Variants in RGS3 observed in about 807,000 individuals in gnomAD.
RGS3 encodes regulator of G protein signaling 3, also known as regulator of G-protein signalling 3.
Under a neutral mutation model 132.6 loss-of-function variants are expected in RGS3, and 80 were observed. That is an observed-to-expected ratio of 0.60 (90% CI 0.50 to 0.73). The LOEUF (loss-of-function observed/expected upper bound fraction) is 0.73, where lower values mean the gene tolerates loss of function less well. Ranked by LOEUF, RGS3 falls within the 30% of genes least tolerant of loss-of-function variation. RGS3 has a pLI of 0.00. For synonymous variants in RGS3, 598 were observed against 620.6 expected (o/e 0.96, Z 0.54); for missense variants, 1,382 against 1,530.8 (o/e 0.90, Z 1.62).
rs888974761 is a variant in RGS3, at chr9:113,506,910, C to T, written c.1086-377C>T. Among the ~76,000 whole-genome samples, 4 of 152,312 alleles carry T rather than the reference C, an allele frequency of 2.6e-5. No individual in the cohort carries two copies. The highest frequency in any genetic ancestry group is 4.1e-4 in the South Asian group (2 of 4,824). The stretch of plus-strand genomic sequence containing the variant: ...ATTTTGATCCTCTAGGGTAAAACCC[C>T]GATGGCCCCATTTTAGGTCTGCTTC... On this transcript the variant is annotated intron_variant, in intron 12 of 24. Coordinates refer to ENST00000350696, the Ensembl canonical transcript of RGS3. The surrounding 1 kb of genome is among the most constrained non-coding windows in gnomAD (Gnocchi z 4.7).
chr9:113,584,185 G>A (rs943548258), exon 20 of RGS3: 4 of 1,614,208 alleles, frequency 2.5e-6, no homozygotes, highest in Non-Finnish European at 2.5e-6. Context: ...GGGCCAGGGG[G>A]CTGAGGGTGG....
intron 3 of RGS3, among the ~76,000 whole-genome samples, chr9:113,477,607 G>C (rs577873715): frequency 6.6e-6 from 1 of 152,342 alleles, no homozygotes; most frequent in East Asian, 1.9e-4. Context: ...ATGTCTCACT[G>C]TGCTGTGAGG....
chr9:113,506,386 A>C lies in RGS3; in HGVS notation c.980-2A>C. The C allele has an allele frequency of 6.3e-7, 1 of 1,580,130 alleles. No individual in the cohort carries two copies. Among genetic ancestry groups the C allele is most frequent in the Non-Finnish European group, 8.6e-7 (1 of 1,163,372 alleles). Reference sequence around the variant, plus strand: ...CTGAATGGCTTTTCTTTGTCCCTGCAGGGGGTCCGGCGGAACGGGCAGGGC... The same window carrying C: ...CTGAATGGCTTTTCTTTGTCCCTGCCGGGGGTCCGGCGGAACGGGCAGGGC... On this transcript the variant is annotated splice_acceptor_variant, in intron 11 of 24. Transcript: ENST00000350696. LOFTEE classifies it high-confidence loss of function. This position sits in a 1 kb window ranked among gnomAD's most constrained non-coding sequence, Gnocchi z 4.7.
In RGS3 at chr9:113,507,163, G is replaced by C; in HGVS notation, c.1086-124G>C. On this transcript the variant is annotated intron_variant, in intron 12 of 24. Coordinates refer to ENST00000350696, the Ensembl canonical transcript of RGS3. This position sits in a 1 kb window ranked among gnomAD's most constrained non-coding sequence, Gnocchi z 5.0. The stretch of plus-strand genomic sequence containing the variant: ...TGCATCCCTTCCTGCCCTGACACTG[G>C]GGGCTTCCCCTCTGGTGTCTGCCTC... 1.3e-6 allele frequency: 1 copy of C among 744,988 alleles called. No homozygotes were observed. The highest frequency in any genetic ancestry group is 2.2e-6 in the Non-Finnish European group (1 of 460,642). 46.1% of individuals were successfully genotyped at this position (744,988 alleles called of 1,614,324 possible).
chr9:113,495,619 C>T (rs1830655552), intron 7 of RGS3, among the ~76,000 whole-genome samples, 167 bp from the exon 6 acceptor site: 1 of 152,218 alleles, frequency 6.6e-6, no homozygotes. Flanking sequence ...GAGATAATAG[C>T]TCCTCTCTAT....
chr9:113,547,082 A>AG (rs1444393313), intron 19 of RGS3, among the ~76,000 whole-genome samples: 1 of 152,070 alleles, frequency 6.6e-6, no homozygotes, highest in Non-Finnish European at 1.5e-5. Flanking sequence ...ATCCAGATCT[A>AG]GGGGGAGAAT....
chr9:113,447,329 G>GTGTGTATATATATATATA (rs1554751009), intron 1 of RGS3, among the ~76,000 whole-genome samples: 16 of 27,554 alleles, frequency 5.8e-4, no homozygotes, highest in Middle Eastern at 0.022. Context: ...GTATGTATAT[G>GTGTGTATATATATATATA]TATATATATA....
chr9:113,499,804 T>C (rs1830808750), intron 10 of RGS3, among the ~76,000 whole-genome samples: 1 of 152,206 alleles, frequency 6.6e-6, no homozygotes, highest in Non-Finnish European at 1.5e-5. Flanking sequence ...ACTTTAGTTT[T>C]AAGTAATTTC....
Position 113,507,642 on chromosome 9 carries a change from C to T in RGS3, c.1437+4C>T, listed in dbSNP as rs1184622363. On this transcript the variant is annotated splice_donor_region_variant and intron_variant, in intron 13 of 24. Coordinates refer to ENST00000350696, the Ensembl canonical transcript of RGS3. This position sits in a 1 kb window ranked among gnomAD's most constrained non-coding sequence, Gnocchi z 5.0. ...CCCGCTGAATCCTGGGAGCCAGGTA[C>T]GGACAGCTGGTGTGGGGAAGGTGAA... is the stretch of plus-strand genomic sequence containing the variant. 20 of 1,455,196 alleles carry T rather than the reference C, an allele frequency of 1.4e-5. No homozygotes were observed. Among genetic ancestry groups the T allele is most frequent in the Middle Eastern group, 1.8e-4 (1 of 5,422 alleles). The allele number at this position is 1,455,196 out of a possible 1,614,324, so 90.1% of individuals were successfully genotyped here. A position where few individuals can be genotyped will look rare whatever the true frequency, so the allele number is the denominator to read the frequency against.
chr9:113,545,565 G>GT (rs1268116162), intron 19 of RGS3, among the ~76,000 whole-genome samples: 3 of 152,070 alleles, frequency 2.0e-5, no homozygotes, highest in African/African-American at 4.8e-5. Context: ...TCTTGCTATT[G>GT]TTTTTTTTAG....
intron 16 of RGS3, among the ~76,000 whole-genome samples, chr9:113,520,021 C>T (rs1037010030): frequency 4.6e-5 from 7 of 152,200 alleles, no homozygotes; most frequent in African/African-American, 7.2e-5. Context: ...TTGGTAAACT[C>T]TGCTCTTAGG....
upstream of RGS3, chr9:113,460,170 A>T: frequency 8.6e-7 from 1 of 1,160,922 alleles, no homozygotes. Flanking sequence ...CTTTGGTCTT[A>T]TTGTTGAAGT....
chr9:113,526,302 C>T (rs750998683), intron 17 of RGS3, among the ~76,000 whole-genome samples: 1 of 152,182 alleles, frequency 6.6e-6, no homozygotes, highest in Non-Finnish European at 1.5e-5. Flanking sequence ...CTTGGTTAGT[C>T]CTCATTTTCT....
chr9:113,592,878 G>A (rs551337778), intron 21 of RGS3: 10 of 152,112 alleles, frequency 6.6e-5, no homozygotes, highest in African/African-American at 2.4e-4. Flanking sequence ...ATTATGCCCC[G>A]CACTGTTCTG....
Position 113,484,127 on chromosome 9 carries a change from T to C in RGS3, c.526-11T>C. 1.3e-6 allele frequency: 2 copies of C among 1,566,372 alleles called. No individual in the cohort carries two copies. ...GATCCGCTAATCATGCTTCCTTTTT[T>C]CCAATTCAAGATTTCTTTGATCCCT... On this transcript the variant is annotated splice_polypyrimidine_tract_variant and intron_variant, in intron 5 of 24. Transcript: ENST00000350696.
intron 19 of RGS3, among the ~76,000 whole-genome samples, chr9:113,559,892 C>G (rs906477218): frequency 6.6e-6 from 1 of 152,192 alleles, no homozygotes; most frequent in Non-Finnish European, 1.5e-5. Flanking sequence ...TGTCTTTTCA[C>G]AGATGATAGC....
At chr9:113,497,844 T>C (rs931666675) in intron 9 of RGS3, among the ~76,000 whole-genome samples, 181 bp from the exon 8 acceptor site, 1 of 152,168 alleles carries the variant, frequency 6.6e-6, no homozygotes, top group African/African-American at 2.4e-5. Context: ...CTTTCCCACA[T>C]GCAGCCCTGG....
intron 4 of RGS3, among the ~76,000 whole-genome samples, chr9:113,481,670 C>T (rs1449421289): frequency 2.6e-5 from 4 of 152,220 alleles, no homozygotes; most frequent in African/African-American, 7.2e-5. Context: ...CCCACCGGTC[C>T]CCACTCCTTC....
intron 1 of RGS3, among the ~76,000 whole-genome samples, chr9:113,448,045 A>G (rs1829152608): frequency 6.6e-6 from 1 of 151,808 alleles, no homozygotes; most frequent in Admixed American, 6.6e-5. Context: ...TTTTGTAGAC[A>G]TGGGGTTTTG....
Sources: allele counts gnomAD v4.1 joint callset (sites outside exome capture counted in the v4.1 genomes callset), GRCh38; gene constraint gnomAD v4.1.1; non-coding constraint Gnocchi (gnomAD v3.1); transcripts MANE v1.5; gene names NCBI Gene and HGNC (gene_info 2026-07-23, HGNC 2026-07-21).